Variants in COL6A5 observed in about 807,000 individuals in gnomAD.
COL6A5 encodes the protein collagen alpha-5(VI) chain.
COL6A5 carries 48 observed loss-of-function variants against 65.6 expected under a neutral mutation model. That is an observed-to-expected ratio of 0.73 (90% CI 0.58 to 0.93). The LOEUF is 0.93. Among genes scored for constraint, COL6A5 ranks in the 40% least tolerant of loss-of-function variants. The pLI is 0.00. For synonymous variants in COL6A5, 291 were observed against 322.8 expected (o/e 0.90, Z 1.05); for missense variants, 914 against 928.3 (o/e 0.98, Z 0.20).
At chr3:130,411,021 A>G (rs1297205132) in intron 20 of COL6A5, among the ~76,000 whole-genome samples, 1 of 152,190 alleles carries the variant, frequency 6.6e-6, no homozygotes. Context: ...TTCGCTTTAC[A>G]TGTTGCCAAT....
chr3:130,394,347 C>T (rs1030538911), intron 7 of COL6A5, among the ~76,000 whole-genome samples: 9 of 152,088 alleles, frequency 5.9e-5, no homozygotes, highest in African/African-American at 1.9e-4. Context: ...AGTCACTTAG[C>T]CTCTGAATTC....
chr3:130,374,696 C>T (rs1386054308), intron 2 of COL6A5, among the ~76,000 whole-genome samples: 2 of 152,144 alleles, frequency 1.3e-5, no homozygotes, highest in Non-Finnish European at 2.9e-5. Context: ...TCAAGTGATC[C>T]TACCACCTTG....
intron 7 of COL6A5, among the ~76,000 whole-genome samples, chr3:130,482,639 A>G (rs1042099560): frequency 6.6e-6 from 1 of 152,110 alleles, no homozygotes; most frequent in Non-Finnish European, 1.5e-5. Context: ...TTTGGTCAGT[A>G]TGGCCATTTT....
At chr3:130,351,357 A>G (rs1366644374) in intron 1 of COL6A5, among the ~76,000 whole-genome samples, 1 of 152,182 alleles carries the variant, frequency 6.6e-6, no homozygotes, top group Non-Finnish European at 1.5e-5. Context: ...AAAAGAAACT[A>G]CCACCAGAGT....
intron 10 of COL6A5, 61 bp from the exon 11 acceptor site, chr3:130,400,970 T>A: frequency 1.5e-6 from 2 of 1,320,602 alleles, no homozygotes; most frequent in Admixed American, 3.1e-5. Flanking sequence ...AATTATTATG[T>A]CTTCTTCTTT....
intron 4 of COL6A5, among the ~76,000 whole-genome samples, chr3:130,449,485 AG>A (rs1422883937): frequency 6.6e-6 from 1 of 152,140 alleles, no homozygotes; most frequent in Non-Finnish European, 1.5e-5. Context: ...GGCCAGTGCA[AG>A]GCAAGATAAA....
intron 6 of COL6A5, 68 bp downstream of exon 38, chr3:130,469,549 A>C (rs758236762): frequency 3.2e-5 from 40 of 1,251,142 alleles, no homozygotes; most frequent in Non-Finnish European, 4.3e-5. Flanking sequence ...GTCCATCAGC[A>C]GACTTAGTAA....
chr3:130,346,269 C>A (rs748785948), intron 1 of COL6A5, among the ~76,000 whole-genome samples: 2 of 152,060 alleles, frequency 1.3e-5, no homozygotes, highest in Admixed American at 6.5e-5. Flanking sequence ...CCCACAAAAC[C>A]CTGTTGAACC....
At chr3:130,461,033 GT>G (rs1205581764) in intron 5 of COL6A5, among the ~76,000 whole-genome samples, 3 of 151,978 alleles carry the variant, frequency 2.0e-5, no homozygotes, top group Non-Finnish European at 4.4e-5. Context: ...TTTGCATGGA[GT>G]TTTCCTTAAC....
intron 1 of COL6A5, among the ~76,000 whole-genome samples, chr3:130,433,160 A>G (rs1008636667): frequency 6.6e-6 from 1 of 152,170 alleles, no homozygotes; most frequent in East Asian, 1.9e-4. Flanking sequence ...AGATCCTGAC[A>G]AAAAGGATTG....
chr3:130,355,609 G>T lies in COL6A5; in HGVS notation c.-29+9628G>T, dbSNP rs140769706. ...AATTTTACACACACACACACACTTA[G>T]GGTAAACTAGTAAAATAAAAAATAT... On this transcript the variant is annotated intron_variant and NMD_transcript_variant, in intron 1 of 41. Transcript: ENST00000312481. Among the ~76,000 whole-genome samples, 386 of 151,468 alleles carry T rather than the reference G, an allele frequency of 2.5e-3. 2 individuals carry two copies. Among genetic ancestry groups the T allele is most frequent in the African/African-American group, 8.9e-3 (367 of 41,328 alleles).
At chr3:130,347,208 T>G (rs1441640056) in intron 1 of COL6A5, among the ~76,000 whole-genome samples, 6 of 152,174 alleles carry the variant, frequency 3.9e-5, no homozygotes, top group Non-Finnish European at 8.8e-5. Flanking sequence ...TTCCCTTTTC[T>G]TCAATGGGTG....
chr3:130,409,532 A>G, intron 18 of COL6A5, 144 bp downstream of exon 18: 1 of 648,548 alleles, frequency 1.5e-6, no homozygotes, highest in South Asian at 2.8e-5. Flanking sequence ...AGGCTTTGGG[A>G]AAAGTCTGTT....
chr3:130,471,074 T>TTTTGTG, intron 7 of COL6A5, 107 bp downstream of exon 39: 2 of 553,244 alleles, frequency 3.6e-6, no homozygotes, highest in South Asian at 4.5e-5. Context: ...GTGTGTGTTT[T>TTTTGTG]TGTGTGTGTG....
chr3:130,475,262 A>G (rs1383633150), intron 7 of COL6A5, among the ~76,000 whole-genome samples: 1 of 151,894 alleles, frequency 6.6e-6, no homozygotes, highest in East Asian at 1.9e-4. Context: ...CAAATTGGTA[A>G]AAGATATAAA....
chr3:130,469,458 A>G, exon 6 of COL6A5: 1 of 1,612,172 alleles, frequency 6.2e-7, no homozygotes, highest in Non-Finnish European at 8.5e-7. Context: ...AAGTTTGTCA[A>G]GCCATTTGTC....
At chr3:130,418,979 T>C in intron 25 of COL6A5, 48 bp downstream of exon 25, 1 of 1,487,700 alleles carries the variant, frequency 6.7e-7, no homozygotes, top group South Asian at 1.2e-5. Flanking sequence ...GGTATTCAGT[T>C]CCAAGGTAAA....
rs759036698 is a variant in COL6A5 at position 130,450,240 on chromosome 3, C to T, written c.1333-5215C>T. ...GGGGCCTGGGACCAGCCCTGCTCCC[C>T]GTTTCCCTGGTGTTGTGGCAGGGGG... On this transcript the variant is annotated intron_variant, in intron 4 of 7. Coordinates refer to ENST00000512836, the Ensembl canonical transcript of COL6A5. Among the ~76,000 whole-genome samples the T allele has an allele frequency of 3.4e-4, 51 of 152,102 alleles. 1 individual carries two copies. The highest frequency in any genetic ancestry group is 6.5e-4 in the Admixed American group (10 of 15,272).
exon 3 of COL6A5, chr3:130,376,661 T>G (rs1935788985): frequency 1.2e-6 from 2 of 1,613,218 alleles, no homozygotes; most frequent in African/African-American, 2.7e-5. Context: ...GGGTGAAAAT[T>G]ATCTCCGTGG....
Sources: gnomAD v4.1 joint callset for allele counts (sites outside exome capture counted in the v4.1 genomes callset) on GRCh38, gnomAD v4.1.1 for gene constraint, MANE v1.5 for transcripts, NCBI Gene and HGNC (gene_info 2026-07-23, HGNC 2026-07-21) for gene names.